The following SMC3 variants were observed in gnomAD, a reference collection of about 807,000 sequenced individuals.
SMC3 encodes structural maintenance of chromosomes protein 3.
In SMC3, 20 loss-of-function variants were observed where a neutral mutation model predicts 171.8. The observed-to-expected ratio is 0.12, with a 90% CI of 0.08 to 0.17. SMC3 has a LOEUF of 0.17. Among genes scored for constraint, SMC3 ranks in the 10% least tolerant of loss-of-function variants. SMC3 has a pLI of 1.00. For missense variants in SMC3, 543 were observed against 1,420.4 expected (o/e 0.38, Z 9.93); for synonymous variants, 464 against 451.1 (o/e 1.03, Z -0.36).
At chr10:110,575,719 A>G (rs1860936742) in intron 4 of SMC3, among the ~76,000 whole-genome samples, 1 of 152,210 alleles carries the variant, frequency 6.6e-6, no homozygotes, top group Admixed American at 6.5e-5. Context: ...TTAGCCTAAC[A>G]TGTTAATGCC....
chr10:110,579,690 C>T (rs1235634701), intron 7 of SMC3, among the ~76,000 whole-genome samples: 1 of 151,980 alleles, frequency 6.6e-6, no homozygotes, highest in African/African-American at 2.4e-5. Context: ...TTTCCAGTGC[C>T]CAGCAGTGGC....
In SMC3 at chr10:110,590,513, G is replaced by A; in HGVS notation, c.1611G>A (p.Met537Ile). The A allele has an allele frequency of 6.2e-7, 1 of 1,614,080 alleles. No individual in the cohort carries two copies. Among genetic ancestry groups the A allele is most frequent in the Non-Finnish European group, 8.5e-7 (1 of 1,179,916 alleles). Residue 537 changes from methionine (M) to isoleucine (I), a missense_variant, in exon 16 of 29, where the codon ATG becomes ATA. By Grantham distance (10) the Met-to-Ile change is conservative. This residue lies in a region of SMC3 where 218 missense variants were observed against 509.6 expected (regional missense o/e 0.43). Coordinates refer to ENST00000361804, the MANE Select transcript of SMC3 (RefSeq NM_005445.4). Reference sequence around the variant, plus strand: ...AAAATGGCTATCATGGTATTGTAATGAATAACTTTGAATGTGAACCAGCTT... The same window carrying A: ...AAAATGGCTATCATGGTATTGTAATAAATAACTTTGAATGTGAACCAGCTT... ...HVQNGYHGIV[M>I]NNFECEPAFY...
intron 13 of SMC3, among the ~76,000 whole-genome samples, chr10:110,585,776 A>C (rs1861103967): frequency 6.6e-6 from 1 of 151,510 alleles, no homozygotes; most frequent in Non-Finnish European, 1.5e-5. Context: ...TATTAATTGT[A>C]TATTATATAT....
In SMC3 at chr10:110,573,849, G is replaced by C. The variant is rs563374949; in HGVS notation, c.130+104G>C. On this transcript the variant is annotated intron_variant, in intron 3 of 28. Transcript: ENST00000361804. ...GAGGTTATGTATTCATGAAACCCAA[G>C]AAATACTTTATATGGGGTTGCAGCT... 1.1e-5 allele frequency: 9 copies of C among 830,302 alleles called. No homozygotes were observed. The South Asian group carries it at 1.1e-4, about 10-fold the overall frequency. The allele number at this position is 830,302 out of a possible 1,614,324, so 51.4% of individuals were successfully genotyped here. A position where few individuals can be genotyped will look rare whatever the true frequency, so the allele number is the denominator to read the frequency against.
At chr10:110,598,404 C>A in intron 20 of SMC3, 114 bp downstream of exon 20, 1 of 1,210,372 alleles carries the variant, frequency 8.3e-7, no homozygotes, top group Non-Finnish European at 1.2e-6. Context: ...TTTGTTTGGA[C>A]CCATACTTTT....
intron 21 of SMC3, 27 bp from the exon 22 acceptor site, chr10:110,600,412 A>T: frequency 8.9e-7 from 1 of 1,126,086 alleles, no homozygotes; most frequent in Non-Finnish European, 1.4e-6. Flanking sequence ...GTACATGCTT[A>T]TATAGACAAC....
intron 19 of SMC3, 52 bp downstream of exon 19, chr10:110,596,602 TTTTGGTTGCC>T: frequency 6.4e-7 from 1 of 1,552,606 alleles, no homozygotes; most frequent in Non-Finnish European, 8.8e-7. Flanking sequence ...AAGAACTGTG[TTTTGGTTGCC>T]ATATATAATC....
At chr10:110,571,158 CTTTG>C (rs1264744783) in intron 2 of SMC3, among the ~76,000 whole-genome samples, 1 of 152,130 alleles carries the variant, frequency 6.6e-6, no homozygotes, top group Non-Finnish European at 1.5e-5. Context: ...GATAACCATT[CTTTG>C]TTTTTTACTG....
intron 19 of SMC3, 58 bp downstream of exon 19, chr10:110,596,608 T>C: frequency 6.6e-7 from 1 of 1,513,706 alleles, no homozygotes; most frequent in Non-Finnish European, 9.1e-7. Flanking sequence ...TGTGTTTTGG[T>C]TGCCATATAT....
chr10:110,596,646 A>T (rs994958693), intron 19 of SMC3, 96 bp downstream of exon 19: 8 of 1,202,052 alleles, frequency 6.7e-6, no homozygotes, highest in Non-Finnish European at 9.3e-6. Flanking sequence ...CATATTAAAA[A>T]TTTCTTGTGT....
At chr10:110,600,591 C>G (rs200132434) in intron 22 of SMC3, 45 bp downstream of exon 22, 317 of 951,744 alleles carry the variant, frequency 3.3e-4, no homozygotes, top group Non-Finnish European at 5.1e-4. Context: ...TCCTTGGTGG[C>G]CATGACCTAT....
chr10:110,578,628 GA>G lies in SMC3; in HGVS notation c.356del (p.Asn119MetfsTer3). The G allele has an allele frequency of 6.2e-7, 1 of 1,604,980 alleles. No homozygotes were observed. Among genetic ancestry groups the G allele is most frequent in the South Asian group, 1.1e-5 (1 of 89,812 alleles). ...AAGTAATTTCATTGTTTGTCAACAG[GA>G]AAAATGATGTGATGAACCTCCTTGA... ...QYFLDKKMVTKNDVMNLLESA... is the reference protein window; with the variant it reads ...QYFLDKKMVTXNDVMNLLESA... On this transcript the variant is annotated frameshift_variant and splice_region_variant, in exon 7 of 29. Coordinates refer to ENST00000361804, the MANE Select transcript of SMC3 (RefSeq NM_005445.4). LOFTEE classifies it high-confidence loss of function.
At chr10:110,603,863 A>G (rs1412554885) in intron 28 of SMC3, among the ~76,000 whole-genome samples, 1 of 152,186 alleles carries the variant, frequency 6.6e-6, no homozygotes, top group Non-Finnish European at 1.5e-5. Context: ...TGGGAGGCCA[A>G]GGCAGGTAGA....
In SMC3 at chr10:110,582,065, G is replaced by C. The variant is rs1311723331; in HGVS notation, c.690G>C (p.Gln230His). 5 of 1,613,736 alleles carry C rather than the reference G, an allele frequency of 3.1e-6. No individual in the cohort carries two copies. Among genetic ancestry groups the C allele is most frequent in the Non-Finnish European group, 4.2e-6 (5 of 1,179,812 alleles). ...RRALEYTIYN[Q>H]ELNETRAKLD... Reference sequence around the variant, plus strand: ...CCCTGGAATATACCATTTACAATCAGGAACTTAACGAGACTCGTGCCAAAC... The same window carrying C: ...CCCTGGAATATACCATTTACAATCACGAACTTAACGAGACTCGTGCCAAAC... The change falls in exon 9 of 29, where the codon CAG becomes CAC. Residue 230 changes from glutamine to histidine, a missense_variant. Gln to His is a conservative substitution (Grantham distance 24). Around this residue, in one of 8 missense-constraint regions of SMC3, gnomAD observed 146 missense variants for 437.9 expected, o/e 0.33. Coordinates refer to ENST00000361804, the MANE Select transcript of SMC3 (RefSeq NM_005445.4).
chr10:110,599,241 G>A (rs1246127509), intron 20 of SMC3, among the ~76,000 whole-genome samples: 3 of 152,126 alleles, frequency 2.0e-5, no homozygotes, highest in Non-Finnish European at 4.4e-5. Context: ...GGGATTGCAG[G>A]CGTGTGCCTC....
intron 21 of SMC3, 40 bp downstream of exon 21, chr10:110,599,852 T>C: frequency 6.2e-7 from 1 of 1,600,276 alleles, no homozygotes; most frequent in African/African-American, 1.3e-5. Flanking sequence ...TCGTTAGTAA[T>C]TGGCTATTGT....
chr10:110,592,489 A>G (rs1231855830), intron 17 of SMC3, among the ~76,000 whole-genome samples: 2 of 152,094 alleles, frequency 1.3e-5, no homozygotes, highest in Non-Finnish European at 2.9e-5. Flanking sequence ...TATATATGGG[A>G]TATATTTTCA....
Position 110,590,639 on chromosome 10 carries a change from G to C in SMC3, c.1670+67G>C, listed in dbSNP as rs1861192153. 10 of 1,368,876 alleles carry C rather than the reference G, an allele frequency of 7.3e-6. No homozygotes were observed. In the South Asian group the frequency reaches 1.1e-4, roughly 15 times the overall value. 84.8% of individuals were successfully genotyped at this position (1,368,876 alleles called of 1,614,324 possible). On this transcript the variant is annotated intron_variant, in intron 16 of 28. Coordinates refer to ENST00000361804, the MANE Select transcript of SMC3 (RefSeq NM_005445.4). ...AATAAGAATAGCTTAAACAACTTTT[G>C]TAGTTTTTGTACAACATATCTTCCA...
intron 18 of SMC3, 128 bp from the exon 19 acceptor site, chr10:110,596,270 A>T: frequency 4.0e-6 from 3 of 742,342 alleles, no homozygotes; most frequent in Non-Finnish European, 6.1e-6. Context: ...AAATTTTTTC[A>T]GGGTGGTTTA....
Sources: gnomAD v4.1 joint callset for allele counts (sites outside exome capture counted in the v4.1 genomes callset) on GRCh38, gnomAD v4.1.1 for gene constraint, gnomAD v4.1.1 regional missense constraint, MANE v1.5 for transcripts, NCBI Gene and HGNC (gene_info 2026-07-23, HGNC 2026-07-21) for gene names.